The following ACSBG1 variants were observed in gnomAD, a reference collection of about 807,000 sequenced individuals.
ACSBG1 encodes the protein long-chain-fatty-acid--CoA ligase ACSBG1.
ACSBG1 carries 39 observed loss-of-function variants against 80.2 expected under a neutral mutation model. The ratio of observed to expected loss-of-function variants is 0.49; its 90% CI spans 0.38 to 0.64. The LOEUF (loss-of-function observed/expected upper bound fraction) is 0.64. ACSBG1 is among the 30% of genes least tolerant of loss of function. The pLI, the probability that ACSBG1 is intolerant of heterozygous loss-of-function variation, is 0.00. For missense variants in ACSBG1, 828 were observed against 966.4 expected (o/e 0.86, Z 1.90); for synonymous variants, 392 against 379.5 (o/e 1.03, Z -0.38).
chr15:78,171,577 T>C, intron 13 of ACSBG1, 48 bp from the exon 14 acceptor site: 1 of 1,490,374 alleles, frequency 6.7e-7, no homozygotes, highest in Admixed American at 1.7e-5. Flanking sequence ...CTCTGAGAAC[T>C]CTGAGAATGT....
chr15:78,178,470 T>G lies in ACSBG1; in HGVS notation c.1702+144A>C, dbSNP rs1205004672. ...CATGCCACCACGCCCAGCTAATTTTTCGTGTGTTTTTAGTAGAGATGGGGT... is the reference window on the plus strand; with the variant it reads ...CATGCCACCACGCCCAGCTAATTTTGCGTGTGTTTTTAGTAGAGATGGGGT... On this transcript the variant is annotated intron_variant, in intron 11 of 13. Transcript: ENST00000258873. The surrounding 1 kb of genome is among the most constrained non-coding windows in gnomAD (Gnocchi z 4.3). The G allele has an allele frequency of 6.6e-5, 58 of 876,748 alleles. No homozygotes were observed. Among genetic ancestry groups the G allele is most frequent in the South Asian group, 1.9e-5 (1 of 53,434 alleles). The allele number at this position is 876,748 out of a possible 1,614,324, so 54.3% of individuals were successfully genotyped here. A position where few individuals can be genotyped will look rare whatever the true frequency, so the allele number is the denominator to read the frequency against.
At chr15:78,191,986 CAA>C (rs1315744073) in intron 5 of ACSBG1, among the ~76,000 whole-genome samples, 1 of 152,082 alleles carries the variant, frequency 6.6e-6, no homozygotes, top group Non-Finnish European at 1.5e-5. Context: ...GAAGTTAAAA[CAA>C]AGTCATTAGG....
intron 1 of ACSBG1, among the ~76,000 whole-genome samples, chr15:78,232,012 G>T (rs1438023926): frequency 1.3e-5 from 2 of 152,242 alleles, no homozygotes; most frequent in African/African-American, 4.8e-5. Context: ...CTCAGAGAAG[G>T]TATCTTGCCA....
In ACSBG1 at chr15:78,234,360, C is replaced by T. The variant is rs199680147; in HGVS notation, c.131+11G>A. 18 of 1,608,470 alleles carry T rather than the reference C, an allele frequency of 1.1e-5. No homozygotes were observed. The highest frequency in any genetic ancestry group is 1.4e-5 in the Non-Finnish European group (17 of 1,179,902). Reference sequence around the variant, plus strand: ...CAGGTGCAGTGTGCAGAAACCCAACCAATGACTTACCTGGTTTTCAATTTT... The same window carrying T: ...CAGGTGCAGTGTGCAGAAACCCAACTAATGACTTACCTGGTTTTCAATTTT... On this transcript the variant is annotated intron_variant, in intron 1 of 13. Transcript: ENST00000258873.
chr15:78,215,970 T>C (rs2141377341), intron 1 of ACSBG1, among the ~76,000 whole-genome samples: 2 of 152,356 alleles, frequency 1.3e-5, no homozygotes, highest in South Asian at 4.1e-4. Context: ...AAAGCTCGCC[T>C]TCTCTGGGAG....
In ACSBG1 at chr15:78,179,541, G is replaced by C. The variant is rs759229619; in HGVS notation, c.1484+9C>G. 7 of 1,605,568 alleles carry C rather than the reference G, an allele frequency of 4.4e-6. No individual in the cohort carries two copies. Among genetic ancestry groups the C allele is most frequent in the Non-Finnish European group, 6.0e-6 (7 of 1,172,944 alleles). Reference sequence around the variant, plus strand: ...GGGTGTGCATGTGTGTGGCAGCCTCGAGCCTCACCTGTACAGCCGGTAGTT... The same window carrying C: ...GGGTGTGCATGTGTGTGGCAGCCTCCAGCCTCACCTGTACAGCCGGTAGTT... On this transcript the variant is annotated intron_variant, in intron 10 of 13. Coordinates refer to ENST00000258873, the MANE Select transcript of ACSBG1 (RefSeq NM_015162.5).
chr15:78,187,972 C>T (rs1193611613), intron 5 of ACSBG1, among the ~76,000 whole-genome samples: 3 of 152,102 alleles, frequency 2.0e-5, no homozygotes, highest in Non-Finnish European at 4.4e-5. Flanking sequence ...GCAACTTCAG[C>T]AAAGTCTCAG....
chr15:78,227,825 G>A (rs1219422621), intron 1 of ACSBG1, among the ~76,000 whole-genome samples: 1 of 152,216 alleles, frequency 6.6e-6, no homozygotes, highest in Non-Finnish European at 1.5e-5. Context: ...GAACTACTGA[G>A]ACACTTGGCA....
rs576296897 is a variant in ACSBG1 at position 78,189,375 on chromosome 15, T to C, written c.663+4131A>G. 9.9e-5 allele frequency among the ~76,000 whole-genome samples: 15 copies of C among 151,692 alleles called. No individual in the cohort carries two copies. In the South Asian group the frequency reaches 2.7e-3, roughly 28 times the overall value. ...TGCTATAAAGACACATGCACACGTA[T>C]GTTTATTGCGGCACTATTCACAATA... On this transcript the variant is annotated intron_variant, in intron 5 of 13. Coordinates refer to ENST00000258873, the MANE Select transcript of ACSBG1 (RefSeq NM_015162.5).
At chr15:78,182,362 AG>A in intron 7 of ACSBG1, 103 bp downstream of exon 7, 2 of 1,468,984 alleles carry the variant, frequency 1.4e-6, no homozygotes, top group Non-Finnish European at 9.2e-7. Context: ...CCTAGAGCAG[AG>A]GGGCCCAAGG....
intron 1 of ACSBG1, among the ~76,000 whole-genome samples, chr15:78,218,514 C>T (rs1051740465): frequency 6.6e-6 from 1 of 152,146 alleles, no homozygotes; most frequent in Admixed American, 6.5e-5. Flanking sequence ...GGAGCCTGGC[C>T]TTTTAGGGGA....
rs761452853 is a variant in ACSBG1 at position 78,234,523 on chromosome 15, G to C, written c.-22C>G. ...GCATCTGCCTCGGGCTTCCACTGAA[G>C]ACAGCTCAGTCACCCACTGAGAGAG... On this transcript the variant is annotated 5_prime_UTR_variant, in exon 1 of 14. Transcript: ENST00000258873. The C allele has an allele frequency of 5.1e-6, 8 of 1,582,188 alleles. No individual in the cohort carries two copies. The highest frequency in any genetic ancestry group is 2.2e-5 in the South Asian group (2 of 90,752).
intron 2 of ACSBG1, among the ~76,000 whole-genome samples, chr15:78,206,242 C>G (rs2075213432): frequency 6.6e-6 from 1 of 152,228 alleles, no homozygotes; most frequent in Admixed American, 6.5e-5. Context: ...GGAAGCTGAA[C>G]TCCCAAGGGC....
intron 2 of ACSBG1, among the ~76,000 whole-genome samples, chr15:78,198,650 T>C (rs2075137671): frequency 6.6e-6 from 1 of 152,224 alleles, no homozygotes; most frequent in Admixed American, 6.5e-5. Context: ...GCCTGGCCTA[T>C]AATCTCTTTT....
chr15:78,233,538 G>A (rs779152333), intron 1 of ACSBG1, among the ~76,000 whole-genome samples: 8 of 152,118 alleles, frequency 5.3e-5, no homozygotes, highest in Non-Finnish European at 1.2e-4. Context: ...GTCTTGCTTT[G>A]TTAGGTCGTT....
At chr15:78,211,697 G>A (rs1213833250) in intron 1 of ACSBG1, among the ~76,000 whole-genome samples, 2 of 152,280 alleles carry the variant, frequency 1.3e-5, no homozygotes, top group African/African-American at 4.8e-5. Context: ...TCTGCACTGC[G>A]CCTTTCTCTT....
rs200646960 is a variant in ACSBG1, at chr15:78,180,759, C to T, written c.1249G>A (p.Gly417Ser). 6.8e-5 allele frequency: 110 copies of T among 1,613,578 alleles called. No individual in the cohort carries two copies. The highest frequency in any genetic ancestry group is 7.9e-5 in the Non-Finnish European group (93 of 1,179,798). The change falls in exon 9 of 14, where the codon GGC becomes AGC. Residue 417 changes from glycine to serine, a missense_variant. By Grantham distance (56) the Gly-to-Ser change is moderately conservative. Coordinates refer to ENST00000258873, the MANE Select transcript of ACSBG1 (RefSeq NM_015162.5). ...VTLEQNLTCP[G>S]SDLKPFTTRL... ...CCGCCCGTGGGCCCTCTGTACCTGC[C>T]GGGGCAGGTGAGGTTCTGCTCCAAG...
At position 78,193,608 on chromosome 15, in the gene ACSBG1, G is replaced by A; in HGVS notation, c.561C>T (p.Ile187=). 6.2e-7 allele frequency: 1 copy of A among 1,613,636 alleles called. No individual in the cohort carries two copies. Among genetic ancestry groups the A allele is most frequent in the Middle Eastern group, 1.7e-4 (1 of 6,054 alleles). Residue 187 remains isoleucine (I), a synonymous_variant, in exon 5 of 14, where the codon ATC becomes ATT. Transcript: ENST00000258873. ...AGGCCTCTGGGGAGCTGGTGGTGTA[G>A]ATGCCAGTGACGATGCCACTGTAGG... ...TVFAGGIVTG[I]YTTSSPEACQ... is the part of the protein sequence containing the mutation.
intron 5 of ACSBG1, among the ~76,000 whole-genome samples, chr15:78,190,578 A>G: frequency 6.6e-6 from 1 of 151,568 alleles, no homozygotes; most frequent in East Asian, 2.0e-4. Flanking sequence ...CTTAAAAAAA[A>G]AAAAGAAAAA....
Sources: allele counts gnomAD v4.1 joint callset (sites outside exome capture counted in the v4.1 genomes callset), GRCh38; gene constraint gnomAD v4.1.1; non-coding constraint Gnocchi (gnomAD v3.1); transcripts MANE v1.5; gene names NCBI Gene and HGNC (gene_info 2026-07-23, HGNC 2026-07-21).